TUSC3: variants seen among roughly 807,000 people sequenced by gnomAD.
TUSC3 encodes the protein tumor suppressor candidate 3.
TUSC3 carries 45 observed loss-of-function variants against 44.8 expected under a neutral mutation model. The observed-to-expected ratio is 1.00, with a 90% CI of 0.79 to 1.29. TUSC3 has a LOEUF of 1.29. Among genes scored for constraint, TUSC3 ranks in the 50% most tolerant of loss-of-function variants. The pLI, the probability that TUSC3 is intolerant of heterozygous loss-of-function variation, is 0.00. For missense variants in TUSC3, 519 were observed against 437.9 expected, an observed-to-expected ratio of 1.19 and a Z score of -1.65; for synonymous variants, 212 against 152.9, an observed-to-expected ratio of 1.39 and a Z score of -2.85.
chr8:15,664,541 C>G (rs938256033), intron 5 of TUSC3, among the ~76,000 whole-genome samples: 2 of 149,094 alleles, frequency 1.3e-5, no homozygotes, highest in Admixed American at 1.3e-4. Context: ...AAGATAAATT[C>G]TAAGATACCT....
At chr8:15,502,460 T>C (rs553653229) in intron 2 of TUSC3, among the ~76,000 whole-genome samples, 3 of 152,298 alleles carry the variant, frequency 2.0e-5, no homozygotes, top group African/African-American at 7.2e-5. Context: ...CGGATTATCA[T>C]TTCCCGGATC....
the TUSC3 span, among the ~76,000 whole-genome samples, chr8:15,829,518 T>C: frequency 3.9e-5 from 6 of 151,936 alleles, no homozygotes; most frequent in Admixed American, 3.9e-4. Flanking sequence ...TCAACATAAA[T>C]GAGTCCTTTG....
At chr8:15,488,875 A>G (rs1800769855) in intron 2 of TUSC3, among the ~76,000 whole-genome samples, 1 of 152,192 alleles carries the variant, frequency 6.6e-6, no homozygotes, top group Non-Finnish European at 1.5e-5. Flanking sequence ...AGTATTTGTT[A>G]TAGCATCCCA....
chr8:15,572,023 G>A lies in TUSC3; in HGVS notation c.138+31455G>A, dbSNP rs550946419. 2.6e-5 allele frequency among the ~76,000 whole-genome samples: 4 copies of A among 152,162 alleles called. No individual in the cohort carries two copies. The East Asian group carries it at 7.7e-4, about 29-fold the overall frequency. ...AATTGCGCTGGACCTTAGGCTTTTC[G>A]GAATGGTAAATGAACGTTGGCTTCA... On this transcript the variant is annotated intron_variant, in intron 1 of 10. Transcript: ENST00000503731.
downstream of TUSC3, among the ~76,000 whole-genome samples, chr8:15,771,113 A>G (rs941693090): frequency 6.6e-6 from 1 of 152,188 alleles, no homozygotes; most frequent in Admixed American, 6.5e-5. Context: ...TTACAGTGCT[A>G]AAAGAAACCA....
At chr8:15,575,779 T>C (rs1057017091) in intron 1 of TUSC3, among the ~76,000 whole-genome samples, 7 of 152,050 alleles carry the variant, frequency 4.6e-5, no homozygotes, top group African/African-American at 1.7e-4. Flanking sequence ...AATAAATAAA[T>C]AAATTCTTCT....
At chr8:15,808,795 G>T in the TUSC3 span, among the ~76,000 whole-genome samples, 1 of 152,020 alleles carries the variant, frequency 6.6e-6, no homozygotes, top group Non-Finnish European at 1.5e-5. Context: ...CTGAGCTCTT[G>T]GTCACCTGGA....
chr8:15,535,828 G>A (rs1417377514), upstream of TUSC3, among the ~76,000 whole-genome samples: 3 of 152,124 alleles, frequency 2.0e-5, no homozygotes, highest in Non-Finnish European at 4.4e-5. Context: ...ATGACGTGTT[G>A]GGAGATCAGA....
intron 1 of TUSC3, among the ~76,000 whole-genome samples, chr8:15,563,291 C>G (rs779460060): frequency 1.3e-4 from 20 of 152,062 alleles, no homozygotes; most frequent in Admixed American, 2.0e-4. Context: ...CTCTATGTCT[C>G]TCGATTTATT....
chr8:15,466,835 T>A (rs765484151), intron 1 of TUSC3, among the ~76,000 whole-genome samples: 3 of 152,140 alleles, frequency 2.0e-5, no homozygotes, highest in Non-Finnish European at 4.4e-5. Context: ...ATGGAGAGTA[T>A]GATTGTCAGT....
chr8:15,687,688 A>G (rs1023500213), intron 6 of TUSC3, among the ~76,000 whole-genome samples: 1 of 152,200 alleles, frequency 6.6e-6, no homozygotes, highest in Non-Finnish European at 1.5e-5. Flanking sequence ...CTGCCAATTA[A>G]TTACAACGAA....
At chr8:15,692,787 T>C (rs563626880) in intron 6 of TUSC3, among the ~76,000 whole-genome samples, 58 of 152,208 alleles carry the variant, frequency 3.8e-4, no homozygotes, top group African/African-American at 1.3e-3. Context: ...AGTTTTCCAC[T>C]ATTGGACTGT....
At chr8:15,595,232 T>C (rs576570355) in intron 1 of TUSC3, among the ~76,000 whole-genome samples, 2 of 152,336 alleles carry the variant, frequency 1.3e-5, no homozygotes, top group Non-Finnish European at 2.9e-5. Flanking sequence ...CAGCCTCTGG[T>C]AATTTCTTTA....
chr8:15,427,260 A>ACC (rs1485694645), intron 1 of TUSC3, among the ~76,000 whole-genome samples: 67 of 149,414 alleles, frequency 4.5e-4, no homozygotes, highest in African/African-American at 1.6e-3. Context: ...GTTTAATATA[A>ACC]TCCTGTTACA....
chr8:15,584,171 A>G (rs1363313328), intron 1 of TUSC3, among the ~76,000 whole-genome samples: 1 of 152,234 alleles, frequency 6.6e-6, no homozygotes, highest in Non-Finnish European at 1.5e-5. Context: ...TGTCAACGTC[A>G]TAAAAGTATT....
At chr8:15,617,182 C>T (rs952995272) in intron 1 of TUSC3, among the ~76,000 whole-genome samples, 4 of 125,878 alleles carry the variant, frequency 3.2e-5, no homozygotes, top group African/African-American at 9.5e-5. Flanking sequence ...CTCTGTCGCC[C>T]AGGTTGCAGT....
chr8:15,605,730 T>C (rs1820825), intron 1 of TUSC3, among the ~76,000 whole-genome samples: 64,589 of 151,794 alleles, frequency 0.43, 13,832 homozygotes, highest in Middle Eastern at 0.47. Flanking sequence ...CAAAACTTGT[T>C]AAAACTTAGA....
At chr8:15,533,822 G>A (rs947140114) in intron 2 of TUSC3, among the ~76,000 whole-genome samples, 1 of 152,150 alleles carries the variant, frequency 6.6e-6, no homozygotes, top group African/African-American at 2.4e-5. Context: ...CCAGATGGGA[G>A]GTTATCTTGG....
At chr8:15,500,182 C>CACGT (rs1241633676) in intron 2 of TUSC3, among the ~76,000 whole-genome samples, 1 of 152,162 alleles carries the variant, frequency 6.6e-6, no homozygotes, top group Non-Finnish European at 1.5e-5. Flanking sequence ...CGGAGCTGTA[C>CACGT]ACGTATCTGG....
Sources: allele counts gnomAD v4.1 joint callset (sites outside exome capture counted in the v4.1 genomes callset), GRCh38; gene constraint gnomAD v4.1.1; transcripts MANE v1.5; gene names NCBI Gene and HGNC (gene_info 2026-07-23, HGNC 2026-07-21).